The following SLC35F3 variants were observed in gnomAD, a reference collection of about 807,000 sequenced individuals.
SLC35F3 encodes putative thiamine transporter SLC35F3.
Under a neutral mutation model 49.9 loss-of-function variants are expected in SLC35F3, and 25 were observed. The observed-to-expected ratio is 0.50, with a 90% CI of 0.37 to 0.70. The LOEUF (loss-of-function observed/expected upper bound fraction) is 0.70. Ranked by LOEUF, SLC35F3 falls within the 30% of genes least tolerant of loss-of-function variation. SLC35F3 has a pLI of 0.00. For synonymous variants in SLC35F3, 275 were observed against 265.4 expected, an observed-to-expected ratio of 1.04 and a Z score of -0.35; for missense variants, 525 against 639.8, an observed-to-expected ratio of 0.82 and a Z score of 1.94.
intron 2 of SLC35F3, among the ~76,000 whole-genome samples, chr1:234,203,636 G>C (rs1666931038): frequency 6.6e-6 from 1 of 152,016 alleles, no homozygotes. Flanking sequence ...ACTTGAACCT[G>C]GGTGGCAGAG....
chr1:234,276,618 A>T (rs530794398), intron 3 of SLC35F3, among the ~76,000 whole-genome samples: 70 of 152,178 alleles, frequency 4.6e-4, no homozygotes, highest in African/African-American at 1.5e-3. Context: ...GACAGAAGAC[A>T]TAACGGGTAA....
chr1:233,918,584 G>A (rs890873288), intron 2 of SLC35F3, among the ~76,000 whole-genome samples: 8 of 152,248 alleles, frequency 5.3e-5, no homozygotes, highest in Non-Finnish European at 1.2e-4. Context: ...CCTGGCCAAT[G>A]TGGCAAAACC....
At chr1:233,999,469 T>C (rs10797521) in intron 2 of SLC35F3, among the ~76,000 whole-genome samples, 18,920 of 152,094 alleles carry the variant, frequency 0.12, 1,852 homozygotes, top group East Asian at 0.41. Flanking sequence ...AAAGCCTAGG[T>C]TCGATGCCAT....
At chr1:233,947,761 A>AGAGAGAGAGAAGAGAGAG in intron 2 of SLC35F3, among the ~76,000 whole-genome samples, 1 of 149,236 alleles carries the variant, frequency 6.7e-6, no homozygotes, top group East Asian at 2.0e-4. Context: ...GGAGAGAGAG[A>AGAGAGAGAGAAGAGAGAG]GAGAGAGAGA....
At chr1:234,257,102 T>C (rs1355840462) in intron 3 of SLC35F3, among the ~76,000 whole-genome samples, 2 of 152,242 alleles carry the variant, frequency 1.3e-5, no homozygotes, top group African/African-American at 2.4e-5. Context: ...ATGAGGTTAA[T>C]TTTTTAAACT....
Position 234,214,327 on chromosome 1 carries a change from G to A in SLC35F3, c.284-17090G>A. Reference sequence around the variant, plus strand: ...GGGCGGCCGCCGCAGTGAGCAACGCGGCAACCGGAGCCCGGCGGGCAGCCG... The same window carrying A: ...GGGCGGCCGCCGCAGTGAGCAACGCAGCAACCGGAGCCCGGCGGGCAGCCG... On this transcript the variant is annotated intron_variant, in intron 2 of 7. Coordinates refer to ENST00000366618, the MANE Select transcript of SLC35F3 (RefSeq NM_173508.4). The surrounding 1 kb of genome is among the most constrained non-coding windows in gnomAD (Gnocchi z 8.0). The A allele has an allele frequency of 7.6e-7, 1 of 1,308,946 alleles. No individual in the cohort carries two copies. The highest frequency in any genetic ancestry group is 3.2e-5 in the East Asian group (1 of 31,152). 81.1% of individuals were successfully genotyped at this position (1,308,946 alleles called of 1,614,324 possible).
At chr1:234,221,718 G>A (rs948017632) in intron 2 of SLC35F3, among the ~76,000 whole-genome samples, 10 of 152,168 alleles carry the variant, frequency 6.6e-5, no homozygotes, top group Non-Finnish European at 1.5e-4. Context: ...GGACTGGAGG[G>A]AAGAACACTG....
intron 3 of SLC35F3, among the ~76,000 whole-genome samples, chr1:234,265,513 A>G (rs2102970510): frequency 1.3e-5 from 2 of 151,972 alleles, no homozygotes; most frequent in South Asian, 4.2e-4. Flanking sequence ...TCATGCCCCT[A>G]GCCAAGCCAG....
At chr1:234,281,380 G>GTT (rs1331086471) in intron 3 of SLC35F3, among the ~76,000 whole-genome samples, 1 of 152,162 alleles carries the variant, frequency 6.6e-6, no homozygotes, top group African/African-American at 2.4e-5. Flanking sequence ...AAATAAGAAT[G>GTT]TGTTAAGCCC....
intron 2 of SLC35F3, among the ~76,000 whole-genome samples, chr1:234,057,689 G>T (rs1258712243): frequency 1.3e-5 from 2 of 151,988 alleles, no homozygotes; most frequent in African/African-American, 2.4e-5. Context: ...GAATGAAACT[G>T]ATGAGAGCAG....
chr1:234,137,759 C>A (rs1411333575), intron 2 of SLC35F3, among the ~76,000 whole-genome samples: 1 of 152,136 alleles, frequency 6.6e-6, no homozygotes, highest in Admixed American at 6.5e-5. Context: ...CATGTCGCAG[C>A]AAGTAGCTGC....
chr1:234,205,918 G>A (rs1444538264), intron 2 of SLC35F3, among the ~76,000 whole-genome samples: 4 of 152,100 alleles, frequency 2.6e-5, no homozygotes, highest in Non-Finnish European at 5.9e-5. Context: ...GGGGTGGTGG[G>A]TGAGGGGTCC....
At chr1:234,156,334 C>T (rs1572073412) in intron 2 of SLC35F3, among the ~76,000 whole-genome samples, 1 of 152,138 alleles carries the variant, frequency 6.6e-6, no homozygotes, top group Non-Finnish European at 1.5e-5. Context: ...GATAATTCCG[C>T]GATACGGCTG....
At chr1:234,267,295 G>C (rs12731228) in intron 3 of SLC35F3, among the ~76,000 whole-genome samples, 18,216 of 125,122 alleles carry the variant, frequency 0.15, 971 homozygotes, top group Non-Finnish European at 0.16. Flanking sequence ...CACAGACCCG[G>C]CAACCATCCG....
chr1:233,905,419 G>C, intron 1 of SLC35F3, 110 bp from the exon 2 acceptor site: 1 of 861,568 alleles, frequency 1.2e-6, no homozygotes, highest in South Asian at 1.8e-5. Flanking sequence ...CCCCCGGAGG[G>C]CCCCGGCCGC....
At chr1:234,007,405 A>G (rs1408363457) in intron 2 of SLC35F3, among the ~76,000 whole-genome samples, 1 of 152,172 alleles carries the variant, frequency 6.6e-6, no homozygotes, top group Non-Finnish European at 1.5e-5. Context: ...CCCAGGGCCA[A>G]GTTCCTCCTG....
At chr1:234,215,383 AG>A (rs1329006815) in intron 2 of SLC35F3, among the ~76,000 whole-genome samples, 1 of 152,128 alleles carries the variant, frequency 6.6e-6, no homozygotes, top group Non-Finnish European at 1.5e-5. Context: ...CCAATGGAGA[AG>A]GGGGGCAGAG....
chr1:234,199,803 A>C (rs1413031153), intron 2 of SLC35F3, among the ~76,000 whole-genome samples: 1 of 152,240 alleles, frequency 6.6e-6, no homozygotes, highest in African/African-American at 2.4e-5. Context: ...GCAAGAAAAC[A>C]AATAATCCAA....
intron 3 of SLC35F3, among the ~76,000 whole-genome samples, chr1:234,276,546 T>C (rs10910404): frequency 6.6e-6 from 1 of 151,944 alleles, no homozygotes; most frequent in Non-Finnish European, 1.5e-5. Context: ...GAAAGCTTCA[T>C]GAAGATGGGA....
Sources: allele counts gnomAD v4.1 joint callset (sites outside exome capture counted in the v4.1 genomes callset), GRCh38; gene constraint gnomAD v4.1.1; non-coding constraint Gnocchi (gnomAD v3.1); transcripts MANE v1.5; gene names NCBI Gene and HGNC (gene_info 2026-07-23, HGNC 2026-07-21).